FGF13: variants seen among roughly 807,000 people sequenced by gnomAD.
FGF13 encodes fibroblast growth factor homologous factor 2.
FGF13 carries 2 observed loss-of-function variants against 19.5 expected under a neutral mutation model. That is an observed-to-expected ratio of 0.10 (90% confidence interval 0.04 to 0.32). The LOEUF is 0.32. Among genes scored for constraint, FGF13 ranks in the 10% least tolerant of loss-of-function variants. The probability of loss-of-function intolerance (pLI) is 1.00; values close to 1 mark genes in which losing one functional copy is unlikely to be tolerated. For synonymous variants in FGF13, 72 were observed against 76.9 expected, an observed-to-expected ratio of 0.94 and a Z score of 0.33; for missense variants, 113 against 192.7, an observed-to-expected ratio of 0.59 and a Z score of 2.45.
chrX:138,826,932 A>G (rs749294722), intron 3 of FGF13, among the ~76,000 whole-genome samples: 178 of 112,558 alleles, frequency 1.6e-3, no homozygotes, highest in African/African-American at 5.5e-3. Flanking sequence ...GGTATATTAA[A>G]GCACAGTAAA....
intron 1 of FGF13, among the ~76,000 whole-genome samples, chrX:138,924,126 TG>T (rs1389114404): frequency 8.9e-6 from 1 of 112,317 alleles, no homozygotes; most frequent in African/African-American, 3.2e-5. Flanking sequence ...TTATTGCAAA[TG>T]GCAGAAACCC....
At chrX:138,714,379 C>T (rs988538289), upstream of FGF13, 1 of 112,501 alleles carries the variant, frequency 8.9e-6, no homozygotes, top group Non-Finnish European at 1.9e-5. Flanking sequence ...GGCGTAGTGC[C>T]TCACGCCTGT....
chrX:139,202,132 G>T (rs1465897689), intron 1 of FGF13, among the ~76,000 whole-genome samples: 2 of 112,055 alleles, frequency 1.8e-5, no homozygotes, highest in Non-Finnish European at 3.8e-5. Context: ...CTGGACAACT[G>T]CAAATTATAA....
chrX:139,007,613 A>G (rs1007020077), intron 1 of FGF13, among the ~76,000 whole-genome samples: 2 of 112,557 alleles, frequency 1.8e-5, no homozygotes, highest in Non-Finnish European at 3.7e-5. Flanking sequence ...AAACAGTTAT[A>G]AAACATTCAA....
At chrX:139,196,425 A>G (rs890044310) in intron 1 of FGF13, among the ~76,000 whole-genome samples, 1 of 111,717 alleles carries the variant, frequency 9.0e-6, no homozygotes, top group Non-Finnish European at 1.9e-5. Context: ...AGAATGTCCC[A>G]GGCCAGAGAA....
chrX:139,073,303 G>A (rs1048194490), intron 1 of FGF13, among the ~76,000 whole-genome samples: 1 of 110,186 alleles, frequency 9.1e-6, no homozygotes, highest in South Asian at 4.0e-4. Flanking sequence ...GAATGACTTT[G>A]GACAAGTCGC....
At chrX:139,202,692 A>G (rs1194616450) in intron 1 of FGF13, among the ~76,000 whole-genome samples, 1 of 111,440 alleles carries the variant, frequency 9.0e-6, no homozygotes, top group African/African-American at 3.3e-5. Context: ...GCTGCCCTAG[A>G]ATCTCCCGGG....
chrX:138,791,955 A>T (rs1213349966), intron 3 of FGF13, among the ~76,000 whole-genome samples: 2 of 111,940 alleles, frequency 1.8e-5, no homozygotes, highest in African/African-American at 3.2e-5. Context: ...CAGCTTCTTC[A>T]TTCCCTTCTA....
intron 3 of FGF13, among the ~76,000 whole-genome samples, chrX:138,683,825 G>A (rs971088532): frequency 9.0e-6 from 1 of 111,556 alleles, no homozygotes; most frequent in Non-Finnish European, 1.9e-5. Flanking sequence ...ATTAAGTGGA[G>A]GCAAATAGAA....
In FGF13 at chrX:138,631,904, T is replaced by C. The variant is rs984873174; in HGVS notation, c.*946A>G. The C allele has an allele frequency of 8.9e-6, 1 of 112,147 alleles. No homozygotes were observed. The highest frequency in any genetic ancestry group is 1.9e-5 in the Non-Finnish European group (1 of 53,213). The allele number at this position is 112,147 out of a possible 1,213,427, so 9.2% of individuals were successfully genotyped here. A position where few individuals can be genotyped will look rare whatever the true frequency, so the allele number is the denominator to read the frequency against. On this transcript the variant is annotated 3_prime_UTR_variant, in exon 5 of 5. Transcript: ENST00000315930. ...AACAATTCCTTGTACACAATATTCA[T>C]GTGCCAAATACAATGACAGGAAGAC... is the stretch of plus-strand genomic sequence containing the variant.
chrX:139,082,579 G>C (rs1453526469), intron 1 of FGF13, among the ~76,000 whole-genome samples: 4 of 111,251 alleles, frequency 3.6e-5, no homozygotes, highest in African/African-American at 6.5e-5. Context: ...ACAGGGATTA[G>C]AGTGATGCAG....
intron 3 of FGF13, among the ~76,000 whole-genome samples, chrX:138,810,400 G>A (rs762114456): frequency 2.7e-5 from 3 of 111,349 alleles, no homozygotes; most frequent in African/African-American, 9.8e-5. Flanking sequence ...TATGTAGAAA[G>A]CTGAAACTGG....
upstream of FGF13, among the ~76,000 whole-genome samples, chrX:138,712,947 C>T (rs951904434): frequency 3.6e-5 from 4 of 112,357 alleles, no homozygotes; most frequent in Non-Finnish European, 5.6e-5. Context: ...GCTGAATCAC[C>T]GGACCCTTCT....
chrX:139,105,189 C>G (rs1400441627), intron 1 of FGF13, among the ~76,000 whole-genome samples: 1 of 110,862 alleles, frequency 9.0e-6, no homozygotes, highest in Non-Finnish European at 1.9e-5. Flanking sequence ...AAGATAAGGC[C>G]TGTTTACAAT....
rs766633973 is a variant in FGF13 at position 138,955,040 on chromosome X, C to T, written c.-112-90390G>A. ...TGACTGCTGATCAGAATCACCTGGG[C>T]GACTGGACATATAGTATAGATCCTG... On this transcript the variant is annotated intron_variant, in intron 1 of 2. Coordinates refer to the FGF13 transcript ENST00000421460. 7.7e-4 allele frequency among the ~76,000 whole-genome samples: 86 copies of T among 111,752 alleles called. 1 individual carries two copies. Among genetic ancestry groups the T allele is most frequent in the Admixed American group, 6.6e-3 (70 of 10,623 alleles).
At chrX:138,712,814 G>C (rs1396582507), upstream of FGF13, among the ~76,000 whole-genome samples, 1 of 112,063 alleles carries the variant, frequency 8.9e-6, no homozygotes, top group Non-Finnish European at 1.9e-5. Context: ...AACTAATGTA[G>C]ATGCAAAACC....
rs567969988 is a variant in FGF13 at position 138,758,625 on chromosome X, C to G, written c.218-49697G>C. 2.7e-5 allele frequency among the ~76,000 whole-genome samples: 3 copies of G among 111,409 alleles called. No individual in the cohort carries two copies. In the South Asian group the frequency reaches 1.1e-3, roughly 42 times the overall value. The stretch of plus-strand genomic sequence containing the variant: ...AAGGCCCTTGGCATACCATGTGTCC[C>G]CTCCTTAAACTGCTTGGCTCCTGCA... On this transcript the variant is annotated intron_variant, in intron 3 of 6. Transcript: ENST00000436198.
intron 1 of FGF13, among the ~76,000 whole-genome samples, chrX:139,011,301 C>G (rs2092126818): frequency 9.4e-6 from 1 of 106,817 alleles, no homozygotes; most frequent in Non-Finnish European, 1.9e-5. Context: ...CTAAATCATT[C>G]TATGATGCCA....
chrX:138,735,583 A>G (rs1354021555), intron 1 of FGF13, among the ~76,000 whole-genome samples: 1 of 112,169 alleles, frequency 8.9e-6, no homozygotes, highest in Non-Finnish European at 1.9e-5. Context: ...TAAAAATTCT[A>G]TTTTAGAAGG....
Sources: gnomAD v4.1 joint callset for allele counts (sites outside exome capture counted in the v4.1 genomes callset) on GRCh38, gnomAD v4.1.1 for gene constraint, MANE v1.5 for transcripts, NCBI Gene and HGNC (gene_info 2026-07-23, HGNC 2026-07-21) for gene names.